Variants in TRPV4 observed in about 807,000 individuals in gnomAD.
TRPV4 encodes OSM9-like transient receptor potential channel 4.
A neutral mutation model predicts 84.1 loss-of-function variants in TRPV4; 58 were observed. The ratio of observed to expected loss-of-function variants is 0.69; its 90% confidence interval spans 0.56 to 0.86. TRPV4 has a LOEUF of 0.86. TRPV4 is among the 40% of genes least tolerant of loss of function. TRPV4 has a pLI of 0.00. For missense variants in TRPV4, 879 were observed against 1,181.1 expected (o/e 0.74, Z 3.75); for synonymous variants, 489 against 500.9 (o/e 0.98, Z 0.32).
Position 109,786,988 on chromosome 12 carries a change from A to C in TRPV4, c.2209-151T>G. On this transcript the variant is annotated intron_variant, in intron 13 of 15. Coordinates refer to ENST00000261740, the MANE Select transcript of TRPV4 (RefSeq NM_021625.5). This position sits in a 1 kb window ranked among gnomAD's most constrained non-coding sequence, Gnocchi z 4.5. ...CACTAGACACAGGGTTTATAAACTC[A>C]AATACCCACAGGTGGCAGGCAGGAA... The C allele has an allele frequency of 1.8e-6, 2 of 1,139,814 alleles. No homozygotes were observed. The highest frequency in any genetic ancestry group is 1.5e-5 in the African/African-American group (1 of 65,068). The allele number at this position is 1,139,814 out of a possible 1,614,324, so 70.6% of individuals were successfully genotyped here.
chr12:109,827,045 G>A (rs1199672803), intron 1 of TRPV4, among the ~76,000 whole-genome samples: 1 of 152,192 alleles, frequency 6.6e-6, no homozygotes, highest in Non-Finnish European at 1.5e-5. Flanking sequence ...ATGAATGAAT[G>A]AACAGAGGAA....
chr12:109,806,635 G>A lies in TRPV4; in HGVS notation c.559+1661C>T, dbSNP rs556772778. Reference sequence around the variant, plus strand: ...TTTGGGAGGTTGAGGCAGGAGGATCGCTTGAAGCCAGGAGTTTGATACCAG... The same window carrying A: ...TTTGGGAGGTTGAGGCAGGAGGATCACTTGAAGCCAGGAGTTTGATACCAG... On this transcript the variant is annotated intron_variant, in intron 3 of 15. Transcript: ENST00000261740. 3.4e-5 allele frequency among the ~76,000 whole-genome samples: 5 copies of A among 148,200 alleles called. No homozygotes were observed. In the East Asian group the frequency reaches 8.3e-4, roughly 25 times the overall value.
In TRPV4 at chr12:109,783,294, A is replaced by G; in HGVS notation, c.*327T>C. On this transcript the variant is annotated 3_prime_UTR_variant, in exon 16 of 16. Coordinates refer to ENST00000261740, the MANE Select transcript of TRPV4 (RefSeq NM_021625.5). The surrounding 1 kb of genome is among the most constrained non-coding windows in gnomAD (Gnocchi z 4.6). Reference sequence around the variant, plus strand: ...GGAACGGGGTCCTAAGGCCTCTGCCAGGTTCCAGCTGGGGCAGGGGTCACG... The same window carrying G: ...GGAACGGGGTCCTAAGGCCTCTGCCGGGTTCCAGCTGGGGCAGGGGTCACG... 3.5e-6 allele frequency: 1 copy of G among 286,692 alleles called. No homozygotes were observed. Among genetic ancestry groups the G allele is most frequent in the Non-Finnish European group, 6.5e-6 (1 of 152,924 alleles). 17.8% of individuals were successfully genotyped at this position (286,692 alleles called of 1,614,324 possible). A position where few individuals can be genotyped will look rare whatever the true frequency, so the allele number is the denominator to read the frequency against.
chr12:109,807,479 C>G (rs1891223474), intron 3 of TRPV4, among the ~76,000 whole-genome samples: 1 of 151,324 alleles, frequency 6.6e-6, no homozygotes, highest in African/African-American at 2.4e-5. Flanking sequence ...CTCCCAGGCT[C>G]ATGCAACCCT....
Position 109,783,838 on chromosome 12 carries a change from A to G in TRPV4, c.2459-60T>C, listed in dbSNP as rs1889508824. 1.3e-6 allele frequency: 2 copies of G among 1,588,266 alleles called. No homozygotes were observed. Among genetic ancestry groups the G allele is most frequent in the Non-Finnish European group, 1.7e-6 (2 of 1,168,694 alleles). On this transcript the variant is annotated intron_variant, in intron 15 of 15. Coordinates refer to ENST00000261740, the MANE Select transcript of TRPV4 (RefSeq NM_021625.5). This position sits in a 1 kb window ranked among gnomAD's most constrained non-coding sequence, Gnocchi z 4.6. The stretch of plus-strand genomic sequence containing the variant: ...GTTGGTGGAGAGAGAGCGTGCGTAT[A>G]TTGAGTGCCTACTGTGTACTGGGCA...
At chr12:109,828,302 A>G (rs1402490765) in intron 1 of TRPV4, among the ~76,000 whole-genome samples, 6 of 152,128 alleles carry the variant, frequency 3.9e-5, no homozygotes, top group African/African-American at 1.4e-4. Context: ...GAAGTGATGT[A>G]ACCTCCTTGG....
chr12:109,803,075 T>C lies in TRPV4; in HGVS notation c.628A>G (p.Ile210Val). 6.2e-7 allele frequency: 1 copy of C among 1,614,152 alleles called. No individual in the cohort carries two copies. Among genetic ancestry groups the C allele is most frequent in the African/African-American group, 1.3e-5 (1 of 75,046 alleles). Residue 210 changes from isoleucine to valine, a missense_variant, in exon 4 of 16, where the codon ATC (isoleucine) becomes GTC (valine). By Grantham distance (29) the Ile-to-Val change is conservative (BLOSUM62 3). Coordinates refer to ENST00000261740, the MANE Select transcript of TRPV4 (RefSeq NM_021625.5). ...LNLSNGRNDT[I>V]PVLLDIAERT... ...TCCGCGATGTCCAGCAGCACAGGGA[T>C]GGTGTCGTTGCGGCCATTGCTCAGG...
chr12:109,811,957 A>G (rs1371286666), intron 2 of TRPV4, among the ~76,000 whole-genome samples: 1 of 152,012 alleles, frequency 6.6e-6, no homozygotes, highest in Non-Finnish European at 1.5e-5. Flanking sequence ...GAAAGGATAC[A>G]GTTCAGCAGG....
Position 109,798,997 on chromosome 12 carries a change from G to A in TRPV4, c.854-85C>T, listed in dbSNP as rs1034834491. ...TGCAGACACTCGGGGGACGGACACCGTGGCGCTCTGAGGATAATGACGGAG... is the reference window on the plus strand; with the variant it reads ...TGCAGACACTCGGGGGACGGACACCATGGCGCTCTGAGGATAATGACGGAG... On this transcript the variant is annotated intron_variant, in intron 5 of 15. Coordinates refer to ENST00000261740, the MANE Select transcript of TRPV4 (RefSeq NM_021625.5). The surrounding 1 kb of genome is among the most constrained non-coding windows in gnomAD (Gnocchi z 5.0). 74 of 1,315,646 alleles carry A rather than the reference G, an allele frequency of 5.6e-5. No individual in the cohort carries two copies. Among genetic ancestry groups the A allele is most frequent in the Non-Finnish European group, 7.6e-5 (72 of 943,034 alleles). The allele number at this position is 1,315,646 out of a possible 1,614,324, so 81.5% of individuals were successfully genotyped here.
rs374184761 is a variant in TRPV4 at position 109,786,842 on chromosome 12, G to A, written c.2209-5C>T. 3.0e-5 allele frequency: 49 copies of A among 1,613,810 alleles called. No homozygotes were observed. The African/African-American group carries it at 5.5e-4, about 18-fold the overall frequency. On this transcript the variant is annotated splice_region_variant and splice_polypyrimidine_tract_variant and intron_variant, in intron 13 of 15. Coordinates refer to ENST00000261740, the MANE Select transcript of TRPV4 (RefSeq NM_021625.5). This position sits in a 1 kb window ranked among gnomAD's most constrained non-coding sequence, Gnocchi z 4.5. The stretch of plus-strand genomic sequence containing the variant: ...GTCCAGGATGGTGGTGGCCCACTGC[G>A]GGGAGGGAGGGTCAGGAGGGACATC...
In TRPV4 at chr12:109,798,691, C is replaced by G. The variant is rs774779620; in HGVS notation, c.1075G>C (p.Asp359His). The G allele has an allele frequency of 1.2e-6, 2 of 1,613,862 alleles. No individual in the cohort carries two copies. Among genetic ancestry groups the G allele is most frequent in the Non-Finnish European group, 8.5e-7 (1 of 1,180,024 alleles). The change falls in exon 6 of 16, where the codon GAC becomes CAC. Residue 359 changes from aspartate to histidine, a missense_variant. Physicochemically the swap from Asp to His is moderately conservative, Grantham distance 81 (BLOSUM62 -1). Around this residue, in one of 4 missense-constraint regions of TRPV4, gnomAD observed 521 missense variants for 686.6 expected, o/e 0.76. Coordinates refer to ENST00000261740, the MANE Select transcript of TRPV4 (RefSeq NM_021625.5). The surrounding 1 kb of genome is among the most constrained non-coding windows in gnomAD (Gnocchi z 5.0). Reference protein sequence around the residue: ...LLLKCARLFPDSNLEAVLNND... With the variant: ...LLLKCARLFPHSNLEAVLNND... The stretch of plus-strand genomic sequence containing the variant: ...TTGAGCACGGCCTCCAGGTTGCTGT[C>G]GGGGAAGAGGCGGGCACACTTGAGC...
chr12:109,802,334 T>C (rs1448844023), intron 4 of TRPV4, among the ~76,000 whole-genome samples: 2 of 149,004 alleles, frequency 1.3e-5, no homozygotes, highest in African/African-American at 2.5e-5. Context: ...TGAGTCTTGC[T>C]CTTGTTGCCC....
Position 109,788,542 on chromosome 12 carries a change from G to A in TRPV4, c.2066C>T (p.Thr689Ile), listed in dbSNP as rs1471881897. The A allele has an allele frequency of 3.1e-6, 5 of 1,614,112 alleles. No individual in the cohort carries two copies. The South Asian group carries it at 5.5e-5, about 18-fold the overall frequency. ...GATGATGAAGACCACGGGGTACTTG[G>A]TGCTGCTCAGCATCTCCAGGTCGCC... ...GMGDLEMLSS[T>I]KYPVVFIILL... The change falls in exon 13 of 16, where the codon ACC (threonine) becomes ATC (isoleucine). Residue 689 changes from threonine (T) to isoleucine (I), a missense_variant. Physicochemically the swap from Thr to Ile is moderately conservative, Grantham distance 89. This residue lies in a region of TRPV4 where 242 missense variants were observed against 355.3 expected (regional missense o/e 0.68). Coordinates refer to ENST00000261740, the MANE Select transcript of TRPV4 (RefSeq NM_021625.5).
intron 4 of TRPV4, among the ~76,000 whole-genome samples, chr12:109,802,693 C>A (rs998685113): frequency 1.3e-5 from 2 of 150,214 alleles, no homozygotes; most frequent in South Asian, 4.2e-4. Flanking sequence ...TGGGCTCAAG[C>A]GATCTGCCCC....
At chr12:109,811,515 G>A (rs1041090332) in intron 2 of TRPV4, among the ~76,000 whole-genome samples, 12 of 152,056 alleles carry the variant, frequency 7.9e-5, no homozygotes, top group Non-Finnish European at 1.5e-4. Flanking sequence ...AAAATTAGCC[G>A]GTTGTGGTCG....
At chr12:109,819,524 C>A (rs1892007912) in intron 1 of TRPV4, among the ~76,000 whole-genome samples, 1 of 152,244 alleles carries the variant, frequency 6.6e-6, no homozygotes, top group African/African-American at 2.4e-5. Flanking sequence ...TGAACATCCT[C>A]ACACACTGAC....
chr12:109,818,764 T>C (rs962597129), intron 1 of TRPV4, among the ~76,000 whole-genome samples: 4 of 152,138 alleles, frequency 2.6e-5, no homozygotes, highest in Non-Finnish European at 5.9e-5. Context: ...TATGATATGG[T>C]CCTGATTTAC....
chr12:109,828,647 TG>T (rs1892332463), intron 1 of TRPV4, among the ~76,000 whole-genome samples: 1 of 152,130 alleles, frequency 6.6e-6, no homozygotes, highest in South Asian at 2.1e-4. Context: ...TAAGCTAAGG[TG>T]GCTCAGACGC....
chr12:109,819,375 C>G (rs1239471040), intron 1 of TRPV4, among the ~76,000 whole-genome samples: 1 of 152,174 alleles, frequency 6.6e-6, no homozygotes, highest in East Asian at 1.9e-4. Context: ...TGTGTGCCCA[C>G]TGTGAGCAGG....
Sources: gnomAD v4.1 joint callset for allele counts (sites outside exome capture counted in the v4.1 genomes callset) on GRCh38, gnomAD v4.1.1 for gene constraint, gnomAD v4.1.1 regional missense constraint, Gnocchi (gnomAD v3.1) non-coding constraint, MANE v1.5 for transcripts, NCBI Gene and HGNC (gene_info 2026-07-23, HGNC 2026-07-21) for gene names.